The following RPSA2 variants were observed in gnomAD, a reference collection of about 807,000 sequenced individuals.
RPSA2 encodes small ribosomal subunit protein uS2B.
chr19:23,855,726 G>T, the RPSA2 span, among the ~76,000 whole-genome samples: 1 of 152,182 alleles, frequency 6.6e-6, no homozygotes, highest in Non-Finnish European at 1.5e-5. Context: ...TGGCGTCCAT[G>T]CATGAAGAAG....
the RPSA2 span, among the ~76,000 whole-genome samples, chr19:23,829,590 C>A: frequency 2.0e-5 from 3 of 152,200 alleles, no homozygotes; most frequent in African/African-American, 7.2e-5. Context: ...CATAAGCCAC[C>A]ATGCCCAACC....
chr19:23,804,716 C>T, the RPSA2 span, among the ~76,000 whole-genome samples: 18 of 152,256 alleles, frequency 1.2e-4, no homozygotes, highest in South Asian at 3.5e-3. Context: ...AATCGTATTA[C>T]ATAGAGTGGG....
chr19:23,814,321 T>C, the RPSA2 span, among the ~76,000 whole-genome samples: 2 of 152,214 alleles, frequency 1.3e-5, no homozygotes, highest in African/African-American at 2.4e-5. Flanking sequence ...ATATTCAGTA[T>C]GGATAATTCA....
At chr19:23,843,860 A>G in the RPSA2 span, among the ~76,000 whole-genome samples, 1 of 152,084 alleles carries the variant, frequency 6.6e-6, no homozygotes, top group Non-Finnish European at 1.5e-5. Flanking sequence ...CCTGGGTTCA[A>G]GCGATTCTCC....
chr19:23,792,287 A>G, the RPSA2 span, among the ~76,000 whole-genome samples: 1 of 152,308 alleles, frequency 6.6e-6, no homozygotes, highest in South Asian at 2.1e-4. Context: ...AAAGGAGGTT[A>G]TTAAGGCCCA....
chr19:23,823,452 G>T, the RPSA2 span, among the ~76,000 whole-genome samples: 1 of 152,118 alleles, frequency 6.6e-6, no homozygotes, highest in Non-Finnish European at 1.5e-5. Context: ...CTCTCAGAGC[G>T]CACAGTCTAT....
At chr19:23,814,631 G>T in the RPSA2 span, among the ~76,000 whole-genome samples, 1 of 152,166 alleles carries the variant, frequency 6.6e-6, no homozygotes, top group African/African-American at 2.4e-5. Context: ...TTTTTATGAA[G>T]ATTATATTGA....
the RPSA2 span, among the ~76,000 whole-genome samples, chr19:23,826,607 C>G: frequency 6.6e-6 from 1 of 152,108 alleles, no homozygotes; most frequent in African/African-American, 2.4e-5. Flanking sequence ...TGGCTCATTT[C>G]ATTTTGCATA....
At chr19:23,776,303 G>T in the RPSA2 span, among the ~76,000 whole-genome samples, 13 of 152,170 alleles carry the variant, frequency 8.5e-5, no homozygotes, top group African/African-American at 2.9e-4. Context: ...TAGGTGATGT[G>T]ACCCCATTGT....
the RPSA2 span, among the ~76,000 whole-genome samples, chr19:23,790,264 T>A: frequency 6.6e-6 from 1 of 152,162 alleles, no homozygotes; most frequent in Admixed American, 6.6e-5. Flanking sequence ...CCCAAAGTGG[T>A]GGGATTACAG....
chr19:23,780,473 C>A, the RPSA2 span, among the ~76,000 whole-genome samples: 1 of 152,096 alleles, frequency 6.6e-6, no homozygotes, highest in Non-Finnish European at 1.5e-5. Flanking sequence ...GAAACCCCAT[C>A]TGTACTAAAA....
chr19:23,832,765 A>T, the RPSA2 span: 1 of 1,567,560 alleles, frequency 6.4e-7, no homozygotes, highest in Non-Finnish European at 8.7e-7. Flanking sequence ...ATCAATCCTT[A>T]CTCGACATAA....
chr19:23,773,102 TA>T, the RPSA2 span, among the ~76,000 whole-genome samples: 23 of 1,594 alleles, frequency 0.014, no homozygotes, highest in East Asian at 0.11. Context: ...TATATATATA[TA>T]TATTTTTATT....
the RPSA2 span, among the ~76,000 whole-genome samples, chr19:23,846,862 C>G: frequency 6.6e-6 from 1 of 152,128 alleles, no homozygotes; most frequent in Non-Finnish European, 1.5e-5. Flanking sequence ...GCATTGTATT[C>G]TGGTGGTGAT....
At chr19:23,831,718 C>G in the RPSA2 span, 3 of 258,800 alleles carry the variant, frequency 1.2e-5, no homozygotes, top group African/African-American at 6.9e-5. Context: ...TGAGAAATGG[C>G]TGTAAAAGTG....
the RPSA2 span, among the ~76,000 whole-genome samples, chr19:23,837,976 T>A: frequency 6.6e-6 from 1 of 152,186 alleles, no homozygotes; most frequent in East Asian, 1.9e-4. Flanking sequence ...TTTCCAGGAC[T>A]ATGTTGAAGA....
At chr19:23,823,894 T>C in the RPSA2 span, 1 of 152,340 alleles carries the variant, frequency 6.6e-6, no homozygotes, top group African/African-American at 2.4e-5. Flanking sequence ...TCTCCTGGCT[T>C]GGGGTCTCAC....
At chr19:23,853,968 C>G in the RPSA2 span, among the ~76,000 whole-genome samples, 1 of 152,102 alleles carries the variant, frequency 6.6e-6, no homozygotes, top group Non-Finnish European at 1.5e-5. Context: ...AACTTTTTTC[C>G]TTGAATGTGT....
the RPSA2 span, among the ~76,000 whole-genome samples, chr19:23,866,459 T>C: frequency 6.6e-6 from 1 of 151,996 alleles, no homozygotes; most frequent in Non-Finnish European, 1.5e-5. Flanking sequence ...ACTGGACATT[T>C]TAAAAAGGAA....
Sources: gnomAD v4.1 joint callset for allele counts (sites outside exome capture counted in the v4.1 genomes callset) on GRCh38, gnomAD v4.1.1 for gene constraint, MANE v1.5 for transcripts, NCBI Gene and HGNC (gene_info 2026-07-23, HGNC 2026-07-21) for gene names.